Variants in TENM2 observed in about 807,000 individuals in gnomAD.
TENM2 encodes the protein teneurin transmembrane protein 2.
TENM2 carries 52 observed loss-of-function variants against 245.2 expected under a neutral mutation model. That is an observed-to-expected ratio of 0.21 (90% confidence interval 0.17 to 0.27). TENM2 has a LOEUF of 0.27. TENM2 is among the 10% of genes least tolerant of loss of function. The pLI, the probability that TENM2 is intolerant of heterozygous loss-of-function variation, is 1.00. For missense variants in TENM2, 3,046 were observed against 3,666.8 expected (o/e 0.83, Z 4.37); for synonymous variants, 1,363 against 1,438.9 (o/e 0.95, Z 1.19).
intron 2 of TENM2, among the ~76,000 whole-genome samples, chr5:167,727,077 C>T (rs1268324875): frequency 6.7e-6 from 1 of 148,484 alleles, no homozygotes; most frequent in East Asian, 2.0e-4. Context: ...CTACAGCTTG[C>T]AAAATCAGTA....
chr5:167,992,964 C>T (rs1255527934), exon 5 of TENM2: 1 of 1,613,948 alleles, frequency 6.2e-7, no homozygotes, highest in Non-Finnish European at 8.5e-7. Context: ...TTCAAGACCT[C>T]CTCGGGGAGC....
At chr5:167,538,784 G>C (rs1230455561) in intron 2 of TENM2, among the ~76,000 whole-genome samples, 1 of 152,176 alleles carries the variant, frequency 6.6e-6, no homozygotes, top group African/African-American at 2.4e-5. Flanking sequence ...TAAGCTGTCT[G>C]TCATTTGCAG....
At chr5:167,463,529 A>C (rs755389357) in intron 2 of TENM2, among the ~76,000 whole-genome samples, 2 of 150,356 alleles carry the variant, frequency 1.3e-5, no homozygotes, top group South Asian at 4.2e-4. Flanking sequence ...GCAGAGTTTC[A>C]CTTTTGTTGC....
At chr5:167,654,866 A>C (rs1055353936) in intron 2 of TENM2, among the ~76,000 whole-genome samples, 1 of 152,120 alleles carries the variant, frequency 6.6e-6, no homozygotes, top group Non-Finnish European at 1.5e-5. Context: ...CTAGTGAGCT[A>C]TCCTGTCAGC....
intron 1 of TENM2, among the ~76,000 whole-genome samples, chr5:167,295,450 G>A (rs1361601555): frequency 6.6e-6 from 1 of 152,170 alleles, no homozygotes; most frequent in Non-Finnish European, 1.5e-5. Context: ...GTGCATATGT[G>A]ATCTGTGCAG....
rs1244313433 is a variant in TENM2, at chr5:167,739,607, TCC to T, written c.503-136378_503-136377del. Among the ~76,000 whole-genome samples, 149 of 152,152 alleles carry T rather than the reference TCC, an allele frequency of 9.8e-4. 4 individuals are homozygous for T. The South Asian group carries it at 0.03, about 31-fold the overall frequency. ...TCTGTGCTGCCTTGTATCTGTCTTCTCCTGTCTTGGTGATGACGGACTTTAGG... is the reference window on the plus strand; with the variant it reads ...TCTGTGCTGCCTTGTATCTGTCTTCTTGTCTTGGTGATGACGGACTTTAGG... On this transcript the variant is annotated intron_variant, in intron 2 of 28. Transcript: ENST00000518659.
the TENM2 span, among the ~76,000 whole-genome samples, chr5:167,172,876 T>C: frequency 6.6e-6 from 1 of 152,166 alleles, no homozygotes; most frequent in South Asian, 2.1e-4. Flanking sequence ...TAGAAATCCC[T>C]GGGAAAGTCT....
chr5:167,142,014 C>T, the TENM2 span, among the ~76,000 whole-genome samples: 29 of 151,992 alleles, frequency 1.9e-4, 2 homozygotes, highest in East Asian at 5.4e-3. Context: ...CATGAAGTGG[C>T]AAACTCGGAG....
intron 2 of TENM2, among the ~76,000 whole-genome samples, chr5:167,797,380 C>A (rs552542897): frequency 6.6e-6 from 1 of 152,232 alleles, no homozygotes; most frequent in South Asian, 2.1e-4. Context: ...AAATATTTGT[C>A]CCCTTTAACT....
chr5:167,597,579 T>G (rs913543883), intron 2 of TENM2, among the ~76,000 whole-genome samples: 6 of 152,198 alleles, frequency 3.9e-5, no homozygotes, highest in Non-Finnish European at 8.8e-5. Flanking sequence ...AATAGGCATT[T>G]GACACCATAA....
At chr5:167,532,361 A>C (rs1771565485) in intron 2 of TENM2, among the ~76,000 whole-genome samples, 1 of 152,102 alleles carries the variant, frequency 6.6e-6, no homozygotes, top group African/African-American at 2.4e-5. Context: ...GCTAATAAAG[A>C]CATACCCGAG....
chr5:167,126,329 C>T, the TENM2 span, among the ~76,000 whole-genome samples: 1 of 152,192 alleles, frequency 6.6e-6, no homozygotes, highest in East Asian at 1.9e-4. Context: ...GGCACCACAC[C>T]AGTCCCACAT....
At chr5:168,022,232 C>T (rs943399486) in intron 5 of TENM2, among the ~76,000 whole-genome samples, 2 of 152,224 alleles carry the variant, frequency 1.3e-5, no homozygotes, top group African/African-American at 2.4e-5. Context: ...GCCGGGAGCT[C>T]CGCTCCTCTG....
At chr5:167,087,794 T>TC in the TENM2 span, among the ~76,000 whole-genome samples, 6 of 133,704 alleles carry the variant, frequency 4.5e-5, no homozygotes, top group East Asian at 2.1e-4. Context: ...AATATCTCTC[T>TC]TTTTTTTTTT....
At chr5:167,581,569 TTG>T (rs1368195749) in intron 2 of TENM2, among the ~76,000 whole-genome samples, 1 of 152,234 alleles carries the variant, frequency 6.6e-6, no homozygotes, top group African/African-American at 2.4e-5. Context: ...GTATTCGTAT[TTG>T]TGTTACATTT....
At chr5:168,117,365 C>T (rs568704513) in intron 9 of TENM2, among the ~76,000 whole-genome samples, 4 of 152,282 alleles carry the variant, frequency 2.6e-5, no homozygotes, top group South Asian at 2.1e-4. Context: ...AGTAGTCCCT[C>T]CTTATCCTCA....
exon 24 of TENM2, chr5:168,226,222 C>T: frequency 6.2e-7 from 1 of 1,613,538 alleles, no homozygotes; most frequent in East Asian, 2.2e-5. Flanking sequence ...ACTGTCATCA[C>T]CAACCTCTCT....
chr5:168,224,618 A>AG (rs1462083638), intron 23 of TENM2, among the ~76,000 whole-genome samples: 1 of 152,088 alleles, frequency 6.6e-6, no homozygotes, highest in Non-Finnish European at 1.5e-5. Context: ...CCCTCCCCAC[A>AG]GGGATCCTTC....
In TENM2 at chr5:167,776,606, A is replaced by G. The variant is rs1296284499; in HGVS notation, c.503-99380A>G. ...GAGACCCTGTCTGAAAAAAAAAAAA[A>G]AAAAAAAAAAAAAAAAAAAACCATA... On this transcript the variant is annotated intron_variant, in intron 2 of 28. Transcript: ENST00000518659. 9.4e-3 allele frequency among the ~76,000 whole-genome samples: 907 copies of G among 96,134 alleles called. 32 individuals are homozygous for G. Among genetic ancestry groups the G allele is most frequent in the Non-Finnish European group, 0.011 (587 of 53,078 alleles). 63.1% of individuals were successfully genotyped at this position (96,134 alleles called of 152,430 possible).
Sources: gnomAD v4.1 joint callset for allele counts (sites outside exome capture counted in the v4.1 genomes callset) on GRCh38, gnomAD v4.1.1 for gene constraint, MANE v1.5 for transcripts, NCBI Gene and HGNC (gene_info 2026-07-23, HGNC 2026-07-21) for gene names.